Variants in ITSN1 observed in about 807,000 individuals in gnomAD.
ITSN1 encodes the protein intersectin-1.
ITSN1 carries 58 observed loss-of-function variants against 239.8 expected under a neutral mutation model. The ratio of observed to expected loss-of-function variants is 0.24; its 90% CI spans 0.20 to 0.30. The LOEUF (loss-of-function observed/expected upper bound fraction) is 0.30, where lower values mean the gene tolerates loss of function less well. ITSN1 is among the 10% of genes least tolerant of loss of function. ITSN1 has a pLI of 1.00. For synonymous variants in ITSN1, 780 were observed against 770.8 expected (o/e 1.01, Z -0.20); for missense variants, 1,558 against 2,103.3 (o/e 0.74, Z 5.07).
chr21:33,883,426 C>T, intron 35 of ITSN1, 124 bp from the exon 36 acceptor site: 4 of 1,307,090 alleles, frequency 3.1e-6, no homozygotes, highest in Non-Finnish European at 4.3e-6. Flanking sequence ...AGTGTGCACA[C>T]ACGCGCTGAC....
At chr21:33,817,131 T>G in intron 22 of ITSN1, 7 of 1,192,474 alleles carry the variant, frequency 5.9e-6, no homozygotes, top group Non-Finnish European at 7.5e-6. Context: ...TATATATGAT[T>G]GAAAGTTGGT....
At position 33,794,337 on chromosome 21, in the gene ITSN1, A is replaced by G. The variant is rs749501962; in HGVS notation, c.1825-4A>G. ...TACATGAACTGTTTCTCGGTTAATTATAGGAACTAAGAGAAATACACAATA... is the reference window on the plus strand; with the variant it reads ...TACATGAACTGTTTCTCGGTTAATTGTAGGAACTAAGAGAAATACACAATA... On this transcript the variant is annotated splice_polypyrimidine_tract_variant and splice_region_variant and intron_variant, in intron 16 of 39. Transcript: ENST00000381318. 93 of 1,606,524 alleles carry G rather than the reference A, an allele frequency of 5.8e-5. 1 individual carries two copies. The highest frequency in any genetic ancestry group is 5.6e-4 in the South Asian group (50 of 89,938).
chr21:33,802,424 G>T lies in ITSN1; in HGVS notation c.2305-6G>T, dbSNP rs763553844. The stretch of plus-strand genomic sequence containing the variant: ...TTGCTTTCAAACCTTTGCTTTCCTG[G>T]TGGAGGTTAAAGGGGAATGGGTAAG... On this transcript the variant is annotated splice_region_variant and splice_polypyrimidine_tract_variant and intron_variant, in intron 19 of 39. Coordinates refer to ENST00000381318, the MANE Select transcript of ITSN1 (RefSeq NM_003024.3). The T allele has an allele frequency of 6.2e-7, 1 of 1,612,984 alleles. No individual in the cohort carries two copies. Among genetic ancestry groups the T allele is most frequent in the Non-Finnish European group, 8.5e-7 (1 of 1,179,422 alleles).
intron 5 of ITSN1, among the ~76,000 whole-genome samples, chr21:33,739,934 G>A (rs939700261): frequency 1.3e-5 from 2 of 152,188 alleles, no homozygotes; most frequent in Non-Finnish European, 2.9e-5. Context: ...TTTTGCCACG[G>A]GCAAGAGGCA....
intron 11 of ITSN1, among the ~76,000 whole-genome samples, chr21:33,770,333 G>A (rs965367999): frequency 2.0e-5 from 3 of 152,212 alleles, no homozygotes; most frequent in African/African-American, 4.8e-5. Context: ...AAAGTGCTGG[G>A]ATTACAGGCG....
intron 5 of ITSN1, among the ~76,000 whole-genome samples, chr21:33,742,107 A>T (rs1387228533): frequency 1.4e-5 from 2 of 143,374 alleles, no homozygotes; most frequent in African/African-American, 5.3e-5. Flanking sequence ...CCCAGGCTGG[A>T]GTGCAGTGGC....
intron 7 of ITSN1, among the ~76,000 whole-genome samples, chr21:33,754,006 G>A (rs2067746902): frequency 6.6e-6 from 1 of 152,032 alleles, no homozygotes; most frequent in African/African-American, 2.4e-5. Context: ...ATCTTCATGA[G>A]TTTTTAGTCT....
At chr21:33,647,651 A>G (rs1601408292) in intron 1 of ITSN1, among the ~76,000 whole-genome samples, 1 of 151,996 alleles carries the variant, frequency 6.6e-6, no homozygotes, top group Non-Finnish European at 1.5e-5. Flanking sequence ...GCCTGCCACC[A>G]TGCCTGGCTA....
intron 1 of ITSN1, among the ~76,000 whole-genome samples, chr21:33,675,689 G>T (rs1438758840): frequency 2.6e-5 from 4 of 152,206 alleles, no homozygotes; most frequent in African/African-American, 9.7e-5. Flanking sequence ...TATGCTCATT[G>T]CCGGTTTAAT....
chr21:33,702,265 C>T (rs1457630803), intron 1 of ITSN1, among the ~76,000 whole-genome samples: 1 of 151,652 alleles, frequency 6.6e-6, no homozygotes, highest in Non-Finnish European at 1.5e-5. Context: ...TACAGGTGCT[C>T]ACCACCACAC....
intron 33 of ITSN1, among the ~76,000 whole-genome samples, chr21:33,870,998 A>T (rs1487499370): frequency 6.6e-6 from 1 of 152,020 alleles, no homozygotes; most frequent in Non-Finnish European, 1.5e-5. Flanking sequence ...TCCCTACATG[A>T]TGTGTATCTG....
chr21:33,814,188 T>C, intron 22 of ITSN1, 116 bp downstream of exon 22: 2 of 1,129,556 alleles, frequency 1.8e-6, no homozygotes, highest in Non-Finnish European at 2.4e-6. Context: ...GTGTCTTGGT[T>C]GGCTGGCAGT....
At chr21:33,831,249 T>C (rs1490597418) in intron 27 of ITSN1, among the ~76,000 whole-genome samples, 2 of 152,174 alleles carry the variant, frequency 1.3e-5, no homozygotes, top group African/African-American at 4.8e-5. Flanking sequence ...CTTGCCCACA[T>C]GGGGCCTATG....
intron 5 of ITSN1, among the ~76,000 whole-genome samples, chr21:33,744,398 A>G (rs1601958879): frequency 1.3e-5 from 2 of 152,282 alleles, no homozygotes; most frequent in African/African-American, 2.4e-5. Flanking sequence ...GAATTTTCAA[A>G]TTGAAAGTAT....
chr21:33,887,737 C>T (rs1986014311), intron 39 of ITSN1, among the ~76,000 whole-genome samples: 2 of 152,116 alleles, frequency 1.3e-5, no homozygotes, highest in African/African-American at 4.8e-5. Context: ...TCCTAAGTAG[C>T]AGGGATGACA....
In ITSN1 at chr21:33,721,178, G is replaced by A. The variant is rs376954232; in HGVS notation, c.29G>A (p.Gly10Asp). ...TGTTTGTCTTTTCTTTGGATTTTAG[G>A]CAGCCTGGATATCTGGGCCATAACT... is the stretch of plus-strand genomic sequence containing the variant. MAQFPTPFGGSLDIWAITVE... is the reference protein window; with the variant it reads MAQFPTPFGDSLDIWAITVE... The change falls in exon 3 of 40, where the codon GGC becomes GAC. Residue 10 changes from glycine to aspartate, a missense_variant and splice_region_variant. This residue lies in a region of ITSN1 where 982 missense variants were observed against 1,209.9 expected (regional missense o/e 0.81). Coordinates refer to ENST00000381318, the MANE Select transcript of ITSN1 (RefSeq NM_003024.3). 12 of 1,609,548 alleles carry A rather than the reference G, an allele frequency of 7.5e-6. No homozygotes were observed. Among genetic ancestry groups the A allele is most frequent in the African/African-American group, 1.3e-5 (1 of 74,764 alleles).
intron 32 of ITSN1, among the ~76,000 whole-genome samples, chr21:33,866,896 T>C (rs367625164): frequency 6.7e-6 from 1 of 148,298 alleles, no homozygotes; most frequent in South Asian, 2.1e-4. Flanking sequence ...GGGAATGTTA[T>C]AAAGTTTCTG....
chr21:33,795,855 C>T (rs1461289348), intron 17 of ITSN1, among the ~76,000 whole-genome samples: 1 of 149,198 alleles, frequency 6.7e-6, no homozygotes, highest in Non-Finnish European at 1.5e-5. Context: ...ATATGTATTC[C>T]AATTATATAG....
At chr21:33,677,421 G>T (rs903943094) in intron 1 of ITSN1, among the ~76,000 whole-genome samples, 1 of 151,044 alleles carries the variant, frequency 6.6e-6, no homozygotes, top group Non-Finnish European at 1.5e-5. Flanking sequence ...CTCACTGCAA[G>T]CCTCGCCTCC....
Sources: allele counts gnomAD v4.1 joint callset (sites outside exome capture counted in the v4.1 genomes callset), GRCh38; gene constraint gnomAD v4.1.1; regional missense constraint gnomAD v4.1.1; transcripts MANE v1.5; gene names NCBI Gene and HGNC (gene_info 2026-07-23, HGNC 2026-07-21).